CROCC2: variants seen among roughly 807,000 people sequenced by gnomAD.
The protein encoded by CROCC2 is ciliary rootlet coiled-coil, rootletin family member 2.
Under a neutral mutation model 177.6 loss-of-function variants are expected in CROCC2, and 163 were observed. The observed-to-expected ratio is 0.92, with a 90% confidence interval of 0.81 to 1.05. CROCC2 has a LOEUF of 1.05. Among genes scored for constraint, CROCC2 ranks in the 50% least tolerant of loss-of-function variants. The pLI is 0.00. For synonymous variants in CROCC2, 904 were observed against 787.3 expected, an observed-to-expected ratio of 1.15 and a Z score of -2.48; for missense variants, 1,929 against 1,797.8, an observed-to-expected ratio of 1.07 and a Z score of -1.32.
In CROCC2 at chr2:240,949,093, G is replaced by T; in HGVS notation, c.2478G>T (p.Leu826Phe). ...GCGCAGGACTCGCGCGGCAGGCCTT[G>T]CAAGGTGCTCCAAGGGCGCTCCCTC... ...ARSAGLARQALQVEMEQLQSD... is the reference protein window; with the variant it reads ...ARSAGLARQAFQVEMEQLQSD... The change falls in exon 16 of 32, where the codon TTG becomes TTT. Residue 826 changes from leucine (L) to phenylalanine (F), a missense_variant. Around this residue, in one of 3 missense-constraint regions of CROCC2, gnomAD observed 1,397 missense variants for 1,239.9 expected, o/e 1.13. Coordinates refer to ENST00000690015, the MANE Select transcript of CROCC2 (RefSeq NM_001351305.2). This position sits in a 1 kb window ranked among gnomAD's most constrained non-coding sequence, Gnocchi z 4.5. The T allele has an allele frequency of 6.5e-7, 1 of 1,539,640 alleles. No homozygotes were observed. Among genetic ancestry groups the T allele is most frequent in the East Asian group, 2.4e-5 (1 of 40,848 alleles).
At chr2:240,969,632 CAA>C (rs552781983) in intron 27 of CROCC2, among the ~76,000 whole-genome samples, 1 of 152,324 alleles carries the variant, frequency 6.6e-6, no homozygotes, top group South Asian at 2.1e-4. Context: ...TGAGTTGGGC[CAA>C]GTTTCATTTT....
At position 240,964,592 on chromosome 2, in the gene CROCC2, C is replaced by T. The variant is rs764483098; in HGVS notation, c.3432C>T (p.Asp1144=). ...GGGAGCTGGAGCAGGCAGGGGGGGACGCCCGTCAGGAGCTCCGGGAACTCC... is the reference window on the plus strand; with the variant it reads ...GGGAGCTGGAGCAGGCAGGGGGGGATGCCCGTCAGGAGCTCCGGGAACTCC... ...HLWELEQAGG[D]ARQELRELHR... The change falls in exon 22 of 32, where the codon GAC becomes GAT. Residue 1144 remains aspartate (D), a synonymous_variant. Coordinates refer to ENST00000690015, the MANE Select transcript of CROCC2 (RefSeq NM_001351305.2). 3.7e-5 allele frequency: 57 copies of T among 1,549,322 alleles called. No homozygotes were observed. Among genetic ancestry groups the T allele is most frequent in the South Asian group, 3.6e-4 (30 of 83,996 alleles).
At position 240,993,196 on chromosome 2, in the gene CROCC2, C is replaced by G. The variant is rs1312367017; in HGVS notation, c.*115C>G. 110 of 663,550 alleles carry G rather than the reference C, an allele frequency of 1.7e-4. No individual in the cohort carries two copies. 41.1% of individuals were successfully genotyped at this position (663,550 alleles called of 1,614,324 possible). ...ACAGTGAAAGGCACCCGTGATGAGA[C>G]AGCTCGCTCTCGGCAGTTTCAGGAC... On this transcript the variant is annotated 3_prime_UTR_variant, in exon 32 of 32. Transcript: ENST00000690015.
At chr2:240,967,587 T>TG in intron 26 of CROCC2, 122 bp downstream of exon 26, 1 of 1,487,132 alleles carries the variant, frequency 6.7e-7, no homozygotes, top group Non-Finnish European at 9.0e-7. Flanking sequence ...GAAGGGAGCC[T>TG]GGGGGCAACA....
chr2:240,919,173 G>C (rs1229023453), intron 2 of CROCC2, among the ~76,000 whole-genome samples: 1 of 143,158 alleles, frequency 7.0e-6, no homozygotes, highest in Non-Finnish European at 1.5e-5. Context: ...TGGCCAAGGT[G>C]ACGGCGTGGG....
chr2:240,949,457 T>C lies in CROCC2; in HGVS notation c.2483-76T>C. On this transcript the variant is annotated intron_variant, in intron 16 of 31. Coordinates refer to ENST00000690015, the MANE Select transcript of CROCC2 (RefSeq NM_001351305.2). This position sits in a 1 kb window ranked among gnomAD's most constrained non-coding sequence, Gnocchi z 4.5. Reference sequence around the variant, plus strand: ...TGGACAGTGCTTGCCCCCAAGACTGTCACTCCCTAGGAAGTCCCAAAGGGT... The same window carrying C: ...TGGACAGTGCTTGCCCCCAAGACTGCCACTCCCTAGGAAGTCCCAAAGGGT... 1 of 1,490,466 alleles carries C rather than the reference T, an allele frequency of 6.7e-7. No individual in the cohort carries two copies. The highest frequency in any genetic ancestry group is 2.0e-5 in the Admixed American group (1 of 49,042). The allele number at this position is 1,490,466 out of a possible 1,614,324, so 92.3% of individuals were successfully genotyped here.
At chr2:240,983,827 T>C in intron 28 of CROCC2, 1 of 333,784 alleles carries the variant, frequency 3.0e-6, no homozygotes, top group South Asian at 2.2e-5. Flanking sequence ...TTGTCTCCAG[T>C]GTCTGAGCCC....
In CROCC2 at chr2:240,973,484, C is replaced by T. The variant is rs2059736943; in HGVS notation, c.4401+5222C>T. Among the ~76,000 whole-genome samples, 1 of 152,198 alleles carries T rather than the reference C, an allele frequency of 6.6e-6. No individual in the cohort carries two copies. The highest frequency in any genetic ancestry group is 2.4e-5 in the African/African-American group (1 of 41,444). On this transcript the variant is annotated intron_variant, in intron 27 of 31. Transcript: ENST00000690015. The surrounding 1 kb of genome is among the most constrained non-coding windows in gnomAD (Gnocchi z 4.7). ...TCACAGCCTCCGTGGCTCAGGGAAG[C>T]TCACGGCGTTCTTGGACTCTTGCCC...
chr2:240,935,030 G>A lies in CROCC2; in HGVS notation c.1906G>A (p.Asp636Asn). ...CGCCTTGATGGAGGGGTTGGCTCAG[G>A]ACAAAAGTGCCCTGAACCACCTGGC... ...MAALMEGLAQDKSALNHLALQ... is the reference protein window; with the variant it reads ...MAALMEGLAQNKSALNHLALQ... The change falls in exon 13 of 32, where the codon GAC becomes AAC. Residue 636 changes from aspartate to asparagine, a missense_variant. This residue lies in a region of CROCC2 where 1,397 missense variants were observed against 1,239.9 expected (regional missense o/e 1.13). Coordinates refer to ENST00000690015, the MANE Select transcript of CROCC2 (RefSeq NM_001351305.2). 2.8e-6 allele frequency: 4 copies of A among 1,404,740 alleles called. No homozygotes were observed. The highest frequency in any genetic ancestry group is 2.9e-5 in the East Asian group (1 of 34,720). The allele number at this position is 1,404,740 out of a possible 1,614,324, so 87.0% of individuals were successfully genotyped here. A position where few individuals can be genotyped will look rare whatever the true frequency, so the allele number is the denominator to read the frequency against.
chr2:240,974,795 G>C (rs2059748076), intron 27 of CROCC2, among the ~76,000 whole-genome samples: 1 of 152,062 alleles, frequency 6.6e-6, no homozygotes, highest in African/African-American at 2.4e-5. Context: ...TTGTGGTTTG[G>C]TACGTGTCCC....
rs1457791484 is a variant in CROCC2, at chr2:240,920,054, AC to A, written c.304del (p.Arg102GlyfsTer69). The A allele has an allele frequency of 1.4e-6, 1 of 716,078 alleles. No individual in the cohort carries two copies. The allele number at this position is 716,078 out of a possible 1,614,324, so 44.4% of individuals were successfully genotyped here. ...EENELLQEEL[T>X]RLGDLLAQAS... ...GAACGAGCTCCTGCAGGAGGAGCTG[AC>A]CCGGCTGGGGGACCTGCTGGCCCAG... On this transcript the variant is annotated frameshift_variant, in exon 3 of 32. Coordinates refer to ENST00000690015, the MANE Select transcript of CROCC2 (RefSeq NM_001351305.2). LOFTEE classifies it high-confidence loss of function.
intron 15 of CROCC2, among the ~76,000 whole-genome samples, chr2:240,947,863 C>A (rs1007057131): frequency 6.6e-6 from 1 of 152,128 alleles, no homozygotes; most frequent in African/African-American, 2.4e-5. Flanking sequence ...GCTCAGAGCA[C>A]CCCGTGGTGG....
At chr2:240,914,290 T>C (rs1281737317) in intron 1 of CROCC2, among the ~76,000 whole-genome samples, 1 of 152,180 alleles carries the variant, frequency 6.6e-6, no homozygotes, top group Non-Finnish European at 1.5e-5. Context: ...GTGCCAAGCC[T>C]CACCCTCCTC....
rs1377334927 is a variant in CROCC2 at position 240,918,519 on chromosome 2, G to A, written c.79-207G>A. On this transcript the variant is annotated intron_variant, in intron 1 of 31. Transcript: ENST00000690015. This position sits in a 1 kb window ranked among gnomAD's most constrained non-coding sequence, Gnocchi z 6.3. The stretch of plus-strand genomic sequence containing the variant: ...CGGCTGGGTGTGGTCCTCCTCTCCA[G>A]AACCTGGGGACAGGCGCAGCCCCAC... 6.6e-6 allele frequency among the ~76,000 whole-genome samples: 1 copy of A among 152,198 alleles called. No individual in the cohort carries two copies. The highest frequency in any genetic ancestry group is 1.5e-5 in the Non-Finnish European group (1 of 68,030).
intron 28 of CROCC2, among the ~76,000 whole-genome samples, chr2:240,985,667 A>C (rs2059835134): frequency 1.4e-5 from 1 of 72,152 alleles, no homozygotes; most frequent in Non-Finnish European, 2.5e-5. Context: ...CAGCACACAC[A>C]CCCAGGCACT....
In CROCC2 at chr2:240,972,228, C is replaced by T. The variant is rs2059725982; in HGVS notation, c.4401+3966C>T. Reference sequence around the variant, plus strand: ...TTTATGTGTCCCCATCCAAATATTTCAGGCTCAAAAGAAAGGCAGAGAGAA... The same window carrying T: ...TTTATGTGTCCCCATCCAAATATTTTAGGCTCAAAAGAAAGGCAGAGAGAA... On this transcript the variant is annotated intron_variant, in intron 27 of 31. Transcript: ENST00000690015. The surrounding 1 kb of genome is among the most constrained non-coding windows in gnomAD (Gnocchi z 7.1). Among the ~76,000 whole-genome samples, 1 of 152,166 alleles carries T rather than the reference C, an allele frequency of 6.6e-6. No individual in the cohort carries two copies. Among genetic ancestry groups the T allele is most frequent in the East Asian group, 1.9e-4 (1 of 5,198 alleles).
At chr2:240,970,949 C>T (rs577747563) in intron 27 of CROCC2, among the ~76,000 whole-genome samples, 15 of 152,180 alleles carry the variant, frequency 9.9e-5, no homozygotes, top group Non-Finnish European at 2.2e-4. Context: ...GGGGAAGAGT[C>T]CTCCTCTGGG....
At chr2:240,951,701 A>G (rs1214887143) in intron 18 of CROCC2, among the ~76,000 whole-genome samples, 1 of 152,134 alleles carries the variant, frequency 6.6e-6, no homozygotes, top group Non-Finnish European at 1.5e-5. Flanking sequence ...CCATCCACTT[A>G]ACATCCTTTC....
chr2:240,955,759 T>G, intron 18 of CROCC2, 100 bp from the exon 19 acceptor site: 1 of 773,354 alleles, frequency 1.3e-6, no homozygotes, highest in Non-Finnish European at 2.1e-6. Context: ...CAGGGGAGCC[T>G]CTGCACTCAG....
Sources: gnomAD v4.1 joint callset for allele counts (sites outside exome capture counted in the v4.1 genomes callset) on GRCh38, gnomAD v4.1.1 for gene constraint, gnomAD v4.1.1 regional missense constraint, Gnocchi (gnomAD v3.1) non-coding constraint, MANE v1.5 for transcripts, NCBI Gene and HGNC (gene_info 2026-07-23, HGNC 2026-07-21) for gene names.